Variants in VAV3 observed in about 807,000 individuals in gnomAD.
VAV3 encodes the protein guanine nucleotide exchange factor VAV3.
A neutral mutation model predicts 131.2 loss-of-function variants in VAV3; 94 were observed. That is an observed-to-expected ratio of 0.72 (90% CI 0.61 to 0.85). VAV3 has a LOEUF of 0.85. Among genes scored for constraint, VAV3 ranks in the 40% least tolerant of loss-of-function variants. The probability of loss-of-function intolerance (pLI) is 0.00; values close to 1 mark genes in which losing one functional copy is unlikely to be tolerated. For synonymous variants in VAV3, 349 were observed against 342.0 expected (o/e 1.02, Z -0.22); for missense variants, 939 against 1,002.7 (o/e 0.94, Z 0.86).
intron 15 of VAV3, among the ~76,000 whole-genome samples, chr1:107,722,834 T>TCC (rs1246881197): frequency 1.6e-5 from 1 of 62,836 alleles, no homozygotes. Flanking sequence ...AGCCCTATTA[T>TCC]CCTCTCTTTT....
intron 15 of VAV3, among the ~76,000 whole-genome samples, chr1:107,737,849 T>C (rs889574307): frequency 6.6e-6 from 1 of 152,194 alleles, no homozygotes; most frequent in African/African-American, 2.4e-5. Flanking sequence ...GCAATCCCAT[T>C]ACTGGGTATA....
chr1:107,865,801 T>C (rs371350571), intron 2 of VAV3, among the ~76,000 whole-genome samples: 9 of 152,112 alleles, frequency 5.9e-5, no homozygotes, highest in South Asian at 2.1e-4. Flanking sequence ...TCTCTAAAAG[T>C]GATAACTTGG....
At chr1:107,737,723 G>A (rs1460814892) in intron 15 of VAV3, among the ~76,000 whole-genome samples, 2 of 152,218 alleles carry the variant, frequency 1.3e-5, no homozygotes, top group African/African-American at 4.8e-5. Context: ...TGGACAGGAT[G>A]TGGAGAAATA....
chr1:107,961,002 C>T (rs2101406331), intron 1 of VAV3, among the ~76,000 whole-genome samples: 1 of 152,052 alleles, frequency 6.6e-6, no homozygotes, highest in African/African-American at 2.4e-5. Flanking sequence ...TTCAACTCTA[C>T]TAAAATCCAA....
intron 2 of VAV3, among the ~76,000 whole-genome samples, chr1:107,795,550 G>A (rs1197402615): frequency 1.3e-5 from 2 of 152,006 alleles, no homozygotes; most frequent in South Asian, 2.1e-4. Flanking sequence ...AAAAATGAAT[G>A]CCCTGTCAAA....
At chr1:107,852,700 C>A (rs1029097588) in intron 2 of VAV3, among the ~76,000 whole-genome samples, 1 of 152,048 alleles carries the variant, frequency 6.6e-6, no homozygotes, top group Non-Finnish European at 1.5e-5. Context: ...TTATGTATAT[C>A]AACTGGTATC....
chr1:107,901,014 A>G (rs564130569), intron 1 of VAV3, among the ~76,000 whole-genome samples: 19 of 152,220 alleles, frequency 1.2e-4, no homozygotes, highest in Non-Finnish European at 2.4e-4. Context: ...ATAAAATCAA[A>G]CAATTGGCAA....
chr1:107,900,571 T>C (rs971134528), intron 1 of VAV3, among the ~76,000 whole-genome samples: 1 of 152,230 alleles, frequency 6.6e-6, no homozygotes, highest in African/African-American at 2.4e-5. Context: ...AAGATCATTG[T>C]AAACCATGAG....
At chr1:107,668,822 G>A (rs959002695) in intron 19 of VAV3, 40 of 985,404 alleles carry the variant, frequency 4.1e-5, no homozygotes, top group Non-Finnish European at 4.6e-5. Context: ...GAAACATACA[G>A]TTTTGATTGT....
chr1:107,894,069 A>T (rs999594326), intron 1 of VAV3, among the ~76,000 whole-genome samples: 3 of 152,244 alleles, frequency 2.0e-5, no homozygotes, highest in Non-Finnish European at 4.4e-5. Flanking sequence ...GGGCTGCAAC[A>T]ATCAATGACT....
intron 20 of VAV3, among the ~76,000 whole-genome samples, chr1:107,632,790 G>C (rs1029282056): frequency 6.6e-6 from 1 of 152,174 alleles, no homozygotes; most frequent in Non-Finnish European, 1.5e-5. Context: ...TGAAATAAAT[G>C]TGTTGTTTTT....
intron 1 of VAV3, among the ~76,000 whole-genome samples, chr1:107,958,128 T>C (rs1453346449): frequency 6.6e-6 from 1 of 152,216 alleles, no homozygotes; most frequent in African/African-American, 2.4e-5. Context: ...TCCAAGAGAA[T>C]AACCTAACAA....
At chr1:107,769,576 G>A (rs1218220738) in intron 6 of VAV3, among the ~76,000 whole-genome samples, 1 of 152,208 alleles carries the variant, frequency 6.6e-6, no homozygotes, top group Non-Finnish European at 1.5e-5. Context: ...TAATGCCATT[G>A]TGTGATGATA....
intron 25 of VAV3, among the ~76,000 whole-genome samples, chr1:107,585,360 GT>G (rs201349042): frequency 1.3e-5 from 2 of 151,798 alleles, no homozygotes; most frequent in African/African-American, 4.8e-5. Context: ...TATTTTCATG[GT>G]TTTTTTTATT....
At chr1:107,828,899 A>G (rs1356340437) in intron 2 of VAV3, among the ~76,000 whole-genome samples, 1 of 151,282 alleles carries the variant, frequency 6.6e-6, no homozygotes, top group East Asian at 2.0e-4. Flanking sequence ...TCTTGAAAAC[A>G]TCAACTTACC....
At chr1:107,599,168 ACTCTTT>A (rs1651638105) in intron 24 of VAV3, among the ~76,000 whole-genome samples, 1 of 152,008 alleles carries the variant, frequency 6.6e-6, no homozygotes, top group Admixed American at 6.5e-5. Flanking sequence ...GCTGCAAAAC[ACTCTTT>A]ATCACTTCAC....
At chr1:107,763,731 C>A (rs1256510489) in intron 9 of VAV3, among the ~76,000 whole-genome samples, 1 of 152,122 alleles carries the variant, frequency 6.6e-6, no homozygotes, top group Admixed American at 6.5e-5. Flanking sequence ...GTATCTAGTA[C>A]AGTTACTTGG....
chr1:107,581,029 C>T (rs1299379879), intron 25 of VAV3, among the ~76,000 whole-genome samples: 3 of 152,164 alleles, frequency 2.0e-5, no homozygotes, highest in Non-Finnish European at 4.4e-5. Flanking sequence ...GTTATCATCT[C>T]CCGGACTCTT....
intron 2 of VAV3, among the ~76,000 whole-genome samples, chr1:107,804,277 T>A (rs1666958931): frequency 6.6e-6 from 1 of 152,134 alleles, no homozygotes; most frequent in Non-Finnish European, 1.5e-5. Context: ...CTGGTGTCAT[T>A]TTGTTGCTTG....
Sources: gnomAD v4.1 joint callset for allele counts (sites outside exome capture counted in the v4.1 genomes callset) on GRCh38, gnomAD v4.1.1 for gene constraint, MANE v1.5 for transcripts, NCBI Gene and HGNC (gene_info 2026-07-23, HGNC 2026-07-21) for gene names.